The following RLF variants were observed in gnomAD, a reference collection of about 807,000 sequenced individuals.
The protein encoded by RLF is zinc finger protein Rlf.
RLF carries 7 observed loss-of-function variants against 162.9 expected under a neutral mutation model. That is an observed-to-expected ratio of 0.04 (90% CI 0.02 to 0.08). The LOEUF is 0.08. RLF is among the 10% of genes least tolerant of loss of function. The probability of loss-of-function intolerance (pLI) is 1.00; values close to 1 mark genes in which losing one functional copy is unlikely to be tolerated. For synonymous variants in RLF, 782 were observed against 791.5 expected (o/e 0.99, Z 0.20); for missense variants, 1,664 against 2,244.7 (o/e 0.74, Z 5.23).
In RLF at chr1:40,180,113, T is replaced by C. The variant is rs58573493; in HGVS notation, c.238-8942T>C. Among the ~76,000 whole-genome samples the C allele has an allele frequency of 9.4e-3, 1,439 of 152,304 alleles. 20 individuals carry two copies. The highest frequency in any genetic ancestry group is 0.032 in the African/African-American group (1,335 of 41,554). On this transcript the variant is annotated intron_variant, in intron 1 of 7. Transcript: ENST00000372771. ...TGGGATGTGTACACTGAAATGAAAT[T>C]GTTGGATCATATGGTATTTCTGTTT...
intron 1 of RLF, among the ~76,000 whole-genome samples, chr1:40,171,294 AC>A (rs1035490614): frequency 6.6e-6 from 1 of 152,168 alleles, no homozygotes; most frequent in Non-Finnish European, 1.5e-5. Context: ...CTCCCAAGGC[AC>A]TGGGATTAGA....
intron 5 of RLF, among the ~76,000 whole-genome samples, chr1:40,221,082 G>C (rs61778542): frequency 6.6e-6 from 1 of 151,726 alleles, no homozygotes; most frequent in Non-Finnish European, 1.5e-5. Flanking sequence ...TCAGTGAGCC[G>C]TGATTACCCT....
intron 4 of RLF, among the ~76,000 whole-genome samples, chr1:40,197,465 T>C (rs1022705551): frequency 2.6e-5 from 4 of 152,192 alleles, no homozygotes; most frequent in Non-Finnish European, 4.4e-5. Context: ...GCATGTTTTG[T>C]GCAGGCAGGC....
At chr1:40,213,527 A>G (rs1248386139) in intron 5 of RLF, among the ~76,000 whole-genome samples, 3 of 152,210 alleles carry the variant, frequency 2.0e-5, no homozygotes, top group African/African-American at 7.2e-5. Flanking sequence ...AAAACTGGTC[A>G]GTATTCTTTT....
At chr1:40,198,190 A>G (rs1642663512) in intron 4 of RLF, among the ~76,000 whole-genome samples, 1 of 150,250 alleles carries the variant, frequency 6.7e-6, no homozygotes. Context: ...TTTAGTAGAG[A>G]TGGGGTTTCT....
rs1330312778 is a variant in RLF, at chr1:40,239,058, C to A, written c.4356C>A (p.Gly1452=). ...YEIHCDLNGC[G]QIFTHRSNYS... is the part of the protein sequence containing the mutation. Reference sequence around the variant, plus strand: ...TTCATTGTGATCTTAATGGCTGTGGCCAGATTTTCACCCATCGCAGTAATT... The same window carrying A: ...TTCATTGTGATCTTAATGGCTGTGGACAGATTTTCACCCATCGCAGTAATT... The change falls in exon 8 of 8, where the codon GGC becomes GGA. Residue 1452 remains glycine, a synonymous_variant. Transcript: ENST00000372771. 6.2e-7 allele frequency: 1 copy of A among 1,614,108 alleles called. No individual in the cohort carries two copies. The highest frequency in any genetic ancestry group is 1.3e-5 in the African/African-American group (1 of 75,030).
chr1:40,184,203 C>G (rs917811169), intron 1 of RLF, among the ~76,000 whole-genome samples: 1 of 152,134 alleles, frequency 6.6e-6, no homozygotes, highest in South Asian at 2.1e-4. Context: ...TCAGTGCTAA[C>G]CATGTAAGCA....
At chr1:40,174,499 G>C (rs1290037085) in intron 1 of RLF, among the ~76,000 whole-genome samples, 2 of 152,118 alleles carry the variant, frequency 1.3e-5, no homozygotes, top group Non-Finnish European at 2.9e-5. Context: ...GCTCTTTAAG[G>C]TTTGATTCTG....
chr1:40,186,719 C>T (rs778866955), intron 1 of RLF, among the ~76,000 whole-genome samples: 3 of 152,194 alleles, frequency 2.0e-5, no homozygotes, highest in Non-Finnish European at 4.4e-5. Flanking sequence ...TGCCCGCCCC[C>T]ACTGCATCTA....
chr1:40,171,857 C>G (rs955075113), intron 1 of RLF, among the ~76,000 whole-genome samples: 5 of 152,104 alleles, frequency 3.3e-5, no homozygotes, highest in Non-Finnish European at 7.4e-5. Flanking sequence ...AAGCTCCTGT[C>G]ATATACACTC....
intron 4 of RLF, among the ~76,000 whole-genome samples, chr1:40,197,557 A>AC (rs541602646): frequency 6.6e-6 from 1 of 152,178 alleles, no homozygotes; most frequent in Non-Finnish European, 1.5e-5. Flanking sequence ...CAACTATGTC[A>AC]CCCCACCTCT....
chr1:40,193,127 CA>C lies in RLF; in HGVS notation c.474+2293del, dbSNP rs76035508. The stretch of plus-strand genomic sequence containing the variant: ...GAAAAGGGCGGCAGAGTGGTCTTAG[CA>C]AAAAAAAAAAAAAAAAAAGAGCATC... On this transcript the variant is annotated intron_variant, in intron 3 of 7. Transcript: ENST00000372771. Among the ~76,000 whole-genome samples the C allele has an allele frequency of 7.5e-3, 491 of 65,136 alleles. 2 individuals are homozygous for C. The East Asian group carries it at 0.077, about 10-fold the overall frequency. 42.7% of individuals were successfully genotyped at this position (65,136 alleles called of 152,430 possible). A position where few individuals can be genotyped will look rare whatever the true frequency, so the allele number is the denominator to read the frequency against.
At chr1:40,210,987 CAG>C (rs550891592) in intron 5 of RLF, among the ~76,000 whole-genome samples, 93 of 152,284 alleles carry the variant, frequency 6.1e-4, no homozygotes, top group Non-Finnish European at 1.1e-3. Context: ...CTATTCACAA[CAG>C]GGGGTTGGCA....
intron 6 of RLF, among the ~76,000 whole-genome samples, chr1:40,225,271 T>C (rs1320090713): frequency 2.0e-5 from 3 of 152,030 alleles, no homozygotes; most frequent in Non-Finnish European, 2.9e-5. Flanking sequence ...GAAGATAATA[T>C]TTGAAATGTA....
chr1:40,177,880 A>G (rs1207038198), intron 1 of RLF: 1 of 152,154 alleles, frequency 6.6e-6, no homozygotes, highest in Non-Finnish European at 1.5e-5. Flanking sequence ...AAATTGGAAC[A>G]ATATGGAGAA....
At chr1:40,170,940 GTTATTA>G (rs1395584663) in intron 1 of RLF, among the ~76,000 whole-genome samples, 15 of 152,218 alleles carry the variant, frequency 9.9e-5, no homozygotes, top group East Asian at 1.9e-4. Flanking sequence ...GAGTGCTATT[GTTATTA>G]TTATTAGTAG....
intron 1 of RLF, among the ~76,000 whole-genome samples, chr1:40,184,688 T>C (rs148687885): frequency 4.5e-4 from 69 of 152,192 alleles, no homozygotes; most frequent in Non-Finnish European, 5.6e-4. Context: ...TAGTCAAATA[T>C]GGTGCGTAAG....
intron 1 of RLF, among the ~76,000 whole-genome samples, chr1:40,173,889 G>A (rs1321507879): frequency 6.6e-6 from 1 of 152,122 alleles, no homozygotes; most frequent in Admixed American, 6.5e-5. Context: ...ATTATAATTA[G>A]AGCTATAGCC....
At chr1:40,163,552 A>C (rs549576442) in intron 1 of RLF, among the ~76,000 whole-genome samples, 1 of 152,346 alleles carries the variant, frequency 6.6e-6, no homozygotes, top group South Asian at 2.1e-4. Context: ...GTGATGGCCC[A>C]GAAGAATTTT....
Sources: gnomAD v4.1 joint callset for allele counts (sites outside exome capture counted in the v4.1 genomes callset) on GRCh38, gnomAD v4.1.1 for gene constraint, MANE v1.5 for transcripts, NCBI Gene and HGNC (gene_info 2026-07-23, HGNC 2026-07-21) for gene names.